The following FTCD variants were observed in gnomAD, a reference collection of about 807,000 sequenced individuals.
FTCD encodes formimidoyltransferase-cyclodeaminase.
In FTCD, 76 loss-of-function variants were observed where a neutral mutation model predicts 62.9. That is an observed-to-expected ratio of 1.21 (90% CI 1.00 to 1.46). The LOEUF (loss-of-function observed/expected upper bound fraction) is 1.46. Ranked by LOEUF, FTCD falls within the 40% of genes most tolerant of loss-of-function variation. The pLI, the probability that FTCD is intolerant of heterozygous loss-of-function variation, is 0.00. For missense variants in FTCD, 845 were observed against 751.3 expected (o/e 1.12, Z -1.46); for synonymous variants, 397 against 336.9 (o/e 1.18, Z -1.95).
chr21:46,138,740 G>A, intron 11 of FTCD, 94 bp from the exon 12 acceptor site: 2 of 1,477,992 alleles, frequency 1.4e-6, no homozygotes, highest in Non-Finnish European at 9.4e-7. Context: ...GGCTGCAGAA[G>A]CGGGCGATGG....
intron 10 of FTCD, 68 bp downstream of exon 10, chr21:46,145,349 C>T: frequency 1.5e-6 from 2 of 1,353,862 alleles, no homozygotes; most frequent in Non-Finnish European, 2.0e-6. Flanking sequence ...ACCCGCTTCT[C>T]ACTGGGGCCC....
chr21:46,152,700 T>C, intron 3 of FTCD: 1 of 532,654 alleles, frequency 1.9e-6, no homozygotes, highest in Non-Finnish European at 3.3e-6. Flanking sequence ...TGCGGTGTAG[T>C]CTGAGGAGGC....
At chr21:46,149,302 G>A (rs913525191) in intron 7 of FTCD, among the ~76,000 whole-genome samples, 83 of 152,272 alleles carry the variant, frequency 5.5e-4, no homozygotes, top group African/African-American at 1.9e-3. Flanking sequence ...AAGTAAAGAC[G>A]GAGGCAGAGA....
Position 46,139,237 on chromosome 21 carries a change from G to A in FTCD, c.1261-314C>T, listed in dbSNP as rs952377751. ...GAGGTCCCCTGAGCCCTCAGAACCT[G>A]TAGGCAGGAGTGGCTCTGGGCCTGT... On this transcript the variant is annotated intron_variant, in intron 10 of 13. Coordinates refer to ENST00000397746, the MANE Select transcript of FTCD (RefSeq NM_206965.2). Among the ~76,000 whole-genome samples, 6 of 152,174 alleles carry A rather than the reference G, an allele frequency of 3.9e-5. No homozygotes were observed. The East Asian group carries it at 5.8e-4, about 15-fold the overall frequency.
At chr21:46,145,756 C>CTCCCCCCAACAACTGCGCCCTCCCG (rs2079127830) in intron 9 of FTCD, 62 bp downstream of exon 9, 1 of 218,382 alleles carries the variant, frequency 4.6e-6, no homozygotes, top group African/African-American at 5.1e-5. Context: ...CAACAGCGCC[C>CTCCCCCCAACAACTGCGCCCTCCCG]TTCCCCCTCC....
chr21:46,139,240 G>A (rs1246102975), intron 10 of FTCD, among the ~76,000 whole-genome samples: 2 of 152,158 alleles, frequency 1.3e-5, no homozygotes, highest in East Asian at 1.9e-4. Context: ...AGAACCTGTA[G>A]GCAGGAGTGG....
intron 10 of FTCD, chr21:46,142,605 C>A (rs1198778663): frequency 6.6e-6 from 1 of 152,264 alleles, no homozygotes; most frequent in Non-Finnish European, 1.5e-5. Context: ...TGTTACAGGT[C>A]GTAAAGGTAG....
Position 46,155,572 on chromosome 21 carries a change from G to C in FTCD, c.-49C>G, listed in dbSNP as rs763109545. The C allele has an allele frequency of 5.2e-6, 8 of 1,537,974 alleles. No homozygotes were observed. The Middle Eastern group carries it at 5.1e-4, about 98-fold the overall frequency. On this transcript the variant is annotated 5_prime_UTR_variant, in exon 1 of 14. Coordinates refer to ENST00000397746, the MANE Select transcript of FTCD (RefSeq NM_206965.2). ...TCCTCTCTGGGCAGATGGAAGGACA[G>C]GGCCAGTGCTCCGCAGCCGCCGCCA...
intron 10 of FTCD, 175 bp from the exon 11 acceptor site, chr21:46,139,098 G>A (rs200317309): frequency 1.2e-5 from 8 of 656,590 alleles, no homozygotes; most frequent in African/African-American, 3.6e-5. Context: ...GCTTGGTGGA[G>A]GAGCAGGGTA....
intron 10 of FTCD, chr21:46,139,199 C>T (rs1285032907): frequency 3.7e-6 from 2 of 541,712 alleles, no homozygotes; most frequent in Non-Finnish European, 6.7e-6. Flanking sequence ...AGCTAAAGAG[C>T]CTGAGGGCCC....
chr21:46,154,427 G>A, intron 1 of FTCD, 95 bp from the exon 2 acceptor site: 1 of 1,419,534 alleles, frequency 7.0e-7, no homozygotes, highest in Non-Finnish European at 9.6e-7. Flanking sequence ...ACAAATGGGG[G>A]CTGAGGAGGC....
At chr21:46,152,022 T>A (rs1601346997) in intron 3 of FTCD, 42 bp from the exon 4 acceptor site, 4 of 1,429,076 alleles carry the variant, frequency 2.8e-6, no homozygotes, top group African/African-American at 2.8e-5. Context: ...CGGCAGGGGG[T>A]CCAGGACTCA....
intron 1 of FTCD, among the ~76,000 whole-genome samples, chr21:46,154,961 G>T (rs2079395574): frequency 6.6e-6 from 1 of 152,256 alleles, no homozygotes; most frequent in African/African-American, 2.4e-5. Context: ...GGCTGTGGAA[G>T]GCGAGAGGCC....
At chr21:46,150,742 G>A (rs977086924) in intron 5 of FTCD, among the ~76,000 whole-genome samples, 1 of 151,394 alleles carries the variant, frequency 6.6e-6, no homozygotes, top group Non-Finnish European at 1.5e-5. Context: ...TCAGACACCG[G>A]AGGCCCACCC....
intron 6 of FTCD, 61 bp downstream of exon 6, chr21:46,150,326 GC>G (rs1402384512): frequency 6.2e-7 from 1 of 1,610,510 alleles, no homozygotes; most frequent in South Asian, 1.1e-5. Flanking sequence ...TGGGGCCCCC[GC>G]CCTGCCCACG....
In FTCD at chr21:46,148,548, G is replaced by A. The variant is rs180731366; in HGVS notation, c.906+1571C>T. Among the ~76,000 whole-genome samples, 16 of 152,330 alleles carry A rather than the reference G, an allele frequency of 1.1e-4. 1 individual carries two copies. Among genetic ancestry groups the A allele is most frequent in the African/African-American group, 3.8e-4 (16 of 41,568 alleles). On this transcript the variant is annotated intron_variant, in intron 7 of 13. Transcript: ENST00000397746. Reference sequence around the variant, plus strand: ...GTGGGAAGATCACCTGAGCCCTGGAGTTTGGGGCTGCAGTGAGCTGTGATT... The same window carrying A: ...GTGGGAAGATCACCTGAGCCCTGGAATTTGGGGCTGCAGTGAGCTGTGATT...
intron 2 of FTCD, among the ~76,000 whole-genome samples, chr21:46,153,555 G>A (rs8133080): frequency 0.37 from 56,590 of 151,912 alleles, 11,701 homozygotes; most frequent in African/African-American, 0.54. Context: ...GTGGGTCGGC[G>A]CCCACCCCAG....
intron 10 of FTCD, among the ~76,000 whole-genome samples, chr21:46,141,646 C>G (rs1422300575): frequency 1.3e-5 from 2 of 151,810 alleles, no homozygotes; most frequent in African/African-American, 4.8e-5. Context: ...TCAGAAGCCC[C>G]ACACGCAAAG....
At position 46,145,492 on chromosome 21, in the gene FTCD, G is replaced by C; in HGVS notation, c.1185C>G (p.Ile395Met). Reference protein sequence around the residue: ...QSLDTTMRRLIPPFREASAKL... With the variant: ...QSLDTTMRRLMPPFREASAKL... ...TGGCCGAAGCCTCGCGGAAGGGCGG[G>C]ATCAGGCGCCGCATCGTCGTGTCCA... The change falls in exon 10 of 14, where the codon ATC becomes ATG. Residue 395 changes from isoleucine to methionine, a missense_variant. Physicochemically the swap from Ile to Met is conservative, Grantham distance 10 (BLOSUM62 1). Transcript: ENST00000397746. 1 of 1,555,212 alleles carries C rather than the reference G, an allele frequency of 6.4e-7. No individual in the cohort carries two copies. The highest frequency in any genetic ancestry group is 8.7e-7 in the Non-Finnish European group (1 of 1,150,132).
Sources: allele counts gnomAD v4.1 joint callset (sites outside exome capture counted in the v4.1 genomes callset), GRCh38; gene constraint gnomAD v4.1.1; transcripts MANE v1.5; gene names NCBI Gene and HGNC (gene_info 2026-07-23, HGNC 2026-07-21).